The following ERI2 variants were observed in gnomAD, a reference collection of about 807,000 sequenced individuals.
The protein encoded by ERI2 is ERI1 exoribonuclease family member 2.
A neutral mutation model predicts 46.8 loss-of-function variants in ERI2; 35 were observed. That is an observed-to-expected ratio of 0.75 (90% CI 0.57 to 0.99). The LOEUF is 0.99. Among genes scored for constraint, ERI2 ranks in the 50% least tolerant of loss-of-function variants. The pLI is 0.00. For missense variants in ERI2, 695 were observed against 796.2 expected, an observed-to-expected ratio of 0.87 and a Z score of 1.53; for synonymous variants, 224 against 271.0, an observed-to-expected ratio of 0.83 and a Z score of 1.70.
downstream of ERI2, among the ~76,000 whole-genome samples, chr16:20,795,789 A>T (rs1217701774): frequency 6.6e-6 from 1 of 152,202 alleles, no homozygotes; most frequent in African/African-American, 2.4e-5. Context: ...CAGGACTCCA[A>T]ATTTACTTTT....
At position 20,796,563 on chromosome 16, in the gene ERI2, T is replaced by C; in HGVS notation, c.*1161A>G. 1 of 1,589,070 alleles carries C rather than the reference T, an allele frequency of 6.3e-7. No homozygotes were observed. Among genetic ancestry groups the C allele is most frequent in the Non-Finnish European group, 8.5e-7 (1 of 1,173,884 alleles). ...TCAAGTGTTTATTTTTACATTTTAA[T>C]GAATATTTTCTTCACACATGCTGCA... On this transcript the variant is annotated 3_prime_UTR_variant, in exon 9 of 9. Transcript: ENST00000357967.
exon 11 of ERI2, chr16:20,780,204 T>G: frequency 5.5e-6 from 1 of 183,116 alleles, no homozygotes; most frequent in Non-Finnish European, 1.2e-5. Context: ...GAATGGGCAA[T>G]AACATTTTAT....
chr16:20,796,143 G>A (rs1019555757), downstream of ERI2: 1 of 592,060 alleles, frequency 1.7e-6, no homozygotes, highest in East Asian at 3.3e-5. Flanking sequence ...CCATGCTGAG[G>A]GCTAGGCTGG....
intron 7 of ERI2, 64 bp downstream of exon 7, chr16:20,799,893 T>C (rs2080778093): frequency 1.0e-6 from 1 of 987,676 alleles, no homozygotes; most frequent in African/African-American, 1.6e-5. Flanking sequence ...TACCAAAAAA[T>C]GAAATTCATA....
downstream of ERI2, among the ~76,000 whole-genome samples, chr16:20,794,616 C>T (rs2080680419): frequency 6.6e-6 from 1 of 152,200 alleles, no homozygotes; most frequent in South Asian, 2.1e-4. Context: ...TTGAAGCCCA[C>T]TTATGGATTC....
At position 20,799,354 on chromosome 16, in the gene ERI2, G is replaced by A; in HGVS notation, c.644-3C>T. 6.2e-7 allele frequency: 1 copy of A among 1,613,078 alleles called. No homozygotes were observed. Among genetic ancestry groups the A allele is most frequent in the Non-Finnish European group, 8.5e-7 (1 of 1,179,402 alleles). On this transcript the variant is annotated splice_polypyrimidine_tract_variant and splice_region_variant and intron_variant, in intron 7 of 8. Coordinates refer to ENST00000357967, the MANE Select transcript of ERI2 (RefSeq NM_001142725.2). ...AGTATTCCGAGAATCGTCCAACCCT[G>A]AGGATACAGATATCAAACACTGAAT... is the stretch of plus-strand genomic sequence containing the variant.
chr16:20,789,204 T>A (rs2080539616), intron 10 of ERI2, among the ~76,000 whole-genome samples: 1 of 152,188 alleles, frequency 6.6e-6, no homozygotes, highest in South Asian at 2.1e-4. Context: ...TAAAAGCATA[T>A]GATCTGGAGT....
At chr16:20,781,085 A>G in intron 10 of ERI2, 1 of 1,614,190 alleles carries the variant, frequency 6.2e-7, no homozygotes, top group East Asian at 2.2e-5. Context: ...GAGCATGTGT[A>G]TTCACACACC....
intron 3 of ERI2, 120 bp downstream of exon 3, chr16:20,803,313 T>G: frequency 4.5e-6 from 5 of 1,118,172 alleles, no homozygotes; most frequent in Non-Finnish European, 6.2e-6. Flanking sequence ...ACATAAGTTT[T>G]GCATTAAACT....
chr16:20,802,492 C>T (rs190430884), intron 4 of ERI2, among the ~76,000 whole-genome samples: 1 of 152,130 alleles, frequency 6.6e-6, no homozygotes, highest in East Asian at 1.9e-4. Flanking sequence ...AACTCCTGGG[C>T]TCAAGTGGTC....
At chr16:20,802,450 A>T (rs752545280) in intron 4 of ERI2, among the ~76,000 whole-genome samples, 3 of 152,058 alleles carry the variant, frequency 2.0e-5, no homozygotes, top group Non-Finnish European at 4.4e-5. Context: ...GTCACCCAGG[A>T]TAGACTGAGA....
Position 20,804,021 on chromosome 16 carries a change from AT to A in ERI2, c.24-352del, listed in dbSNP as rs769791621. ...ATGCCACCACGGCCCATTAGTTTTAATTTTTTTTTTTTTTTGAAGGCAGGGC... is the reference window on the plus strand; with the variant it reads ...ATGCCACCACGGCCCATTAGTTTTAATTTTTTTTTTTTTTGAAGGCAGGGC... On this transcript the variant is annotated intron_variant, in intron 1 of 8. Transcript: ENST00000357967. 4.6e-3 allele frequency among the ~76,000 whole-genome samples: 647 copies of A among 141,698 alleles called. 1 individual carries two copies. Among genetic ancestry groups the A allele is most frequent in the African/African-American group, 6.4e-3 (249 of 38,826 alleles). The allele number at this position is 141,698 out of a possible 152,430, so 93.0% of individuals were successfully genotyped here.
At chr16:20,799,130 TAC>T in intron 8 of ERI2, 63 bp from the exon 9 acceptor site, 2 of 1,484,042 alleles carry the variant, frequency 1.3e-6, no homozygotes, top group Middle Eastern at 1.8e-4. Flanking sequence ...TTCTTCAGTA[TAC>T]AGTTTTATGA....
chr16:20,795,474 C>G (rs116465374), downstream of ERI2, among the ~76,000 whole-genome samples: 1,013 of 152,274 alleles, frequency 6.7e-3, 18 homozygotes, highest in African/African-American at 0.023. Context: ...TCAAATAATT[C>G]CTTTTCAATG....
intron 3 of ERI2, 68 bp downstream of exon 3, chr16:20,803,365 A>G (rs971693234): frequency 1.3e-6 from 2 of 1,527,184 alleles, no homozygotes; most frequent in African/African-American, 2.8e-5. Flanking sequence ...CTTTTGGCTG[A>G]TTCAGATCTA....
chr16:20,791,784 C>T (rs1368429729), downstream of ERI2, among the ~76,000 whole-genome samples: 2 of 151,974 alleles, frequency 1.3e-5, no homozygotes, highest in South Asian at 4.2e-4. Flanking sequence ...AAAAATTAGC[C>T]GGGTGTGGTG....
At chr16:20,805,373 C>T (rs1373612338) in intron 1 of ERI2, among the ~76,000 whole-genome samples, 1 of 151,018 alleles carries the variant, frequency 6.6e-6, no homozygotes, top group Non-Finnish European at 1.5e-5. Flanking sequence ...TATGGTAAGC[C>T]GAGATCGCAC....
downstream of ERI2, among the ~76,000 whole-genome samples, chr16:20,791,695 G>C (rs1366060106): frequency 1.3e-5 from 2 of 152,180 alleles, no homozygotes; most frequent in Non-Finnish European, 2.9e-5. Flanking sequence ...GGGAGGCCAA[G>C]GTGGGCGGAT....
chr16:20,801,948 G>A (rs777008866), intron 4 of ERI2, among the ~76,000 whole-genome samples: 2 of 151,566 alleles, frequency 1.3e-5, no homozygotes, highest in African/African-American at 4.8e-5. Flanking sequence ...TAGTAGAGAC[G>A]GGGTTTTGCC....
Sources: allele counts gnomAD v4.1 joint callset (sites outside exome capture counted in the v4.1 genomes callset), GRCh38; gene constraint gnomAD v4.1.1; transcripts MANE v1.5; gene names NCBI Gene and HGNC (gene_info 2026-07-23, HGNC 2026-07-21).